Variants in GRM7 observed in about 807,000 individuals in gnomAD.
GRM7 encodes glutamate metabotropic receptor 7, also known as metabotropic glutamate receptor 7.
A neutral mutation model predicts 84.5 loss-of-function variants in GRM7; 35 were observed. The observed-to-expected ratio is 0.41, with a 90% confidence interval of 0.32 to 0.55. GRM7 has a LOEUF of 0.55. Among genes scored for constraint, GRM7 ranks in the 20% least tolerant of loss-of-function variants. GRM7 has a pLI of 0.19. For synonymous variants in GRM7, 487 were observed against 455.1 expected, an observed-to-expected ratio of 1.07 and a Z score of -0.89; for missense variants, 1,003 against 1,194.6, an observed-to-expected ratio of 0.84 and a Z score of 2.36.
intron 9 of GRM7, among the ~76,000 whole-genome samples, chr3:7,728,478 A>T (rs1324657184): frequency 1.3e-5 from 2 of 152,178 alleles, no homozygotes; most frequent in Non-Finnish European, 2.9e-5. Flanking sequence ...TACTTGACCT[A>T]TGAGGGCCCT....
At chr3:7,431,122 T>A (rs1014778847) in intron 5 of GRM7, among the ~76,000 whole-genome samples, 3 of 152,154 alleles carry the variant, frequency 2.0e-5, no homozygotes, top group Non-Finnish European at 4.4e-5. Flanking sequence ...TATGTCGGGC[T>A]AACTTGACAC....
intron 7 of GRM7, among the ~76,000 whole-genome samples, chr3:7,535,763 A>T (rs1317830577): frequency 2.6e-5 from 4 of 152,342 alleles, no homozygotes; most frequent in South Asian, 4.1e-4. Context: ...CTCAATAAAG[A>T]TACCGTGTAA....
Position 7,441,206 on chromosome 3 carries a change from T to C in GRM7, c.1175-11401T>C, listed in dbSNP as rs1370009247. On this transcript the variant is annotated intron_variant, in intron 5 of 9. Transcript: ENST00000357716. Reference sequence around the variant, plus strand: ...TGACTGGTGTGAGATGGTATCTAATTATGGTTTTGATTTACATTTCTCTAA... The same window carrying C: ...TGACTGGTGTGAGATGGTATCTAATCATGGTTTTGATTTACATTTCTCTAA... 3.3e-5 allele frequency among the ~76,000 whole-genome samples: 5 copies of C among 152,186 alleles called. No homozygotes were observed. The South Asian group carries it at 1.0e-3, about 31-fold the overall frequency.
Position 7,617,241 on chromosome 3 carries a change from GAAT to G in GRM7, c.2451+37886_2451+37888del, listed in dbSNP as rs1447057991. ...TAGGCATAAATAGGTTAACGGGACA[GAAT>G]ATATGGTATAGAAACAGACTCATGC... On this transcript the variant is annotated intron_variant, in intron 8 of 9. Coordinates refer to ENST00000357716, the MANE Select transcript of GRM7 (RefSeq NM_000844.4). 2.0e-5 allele frequency among the ~76,000 whole-genome samples: 3 copies of G among 152,106 alleles called. No individual in the cohort carries two copies. In the South Asian group the frequency reaches 6.2e-4, roughly 32 times the overall value.
At chr3:7,420,686 G>A (rs1696357151) in intron 5 of GRM7, among the ~76,000 whole-genome samples, 1 of 151,894 alleles carries the variant, frequency 6.6e-6, no homozygotes, top group Non-Finnish European at 1.5e-5. Flanking sequence ...CTCTATAAAT[G>A]GCTTGTTTCT....
In GRM7 at chr3:7,118,322, C is replaced by T. The variant is rs74755326; in HGVS notation, c.520-28130C>T. 1.4e-3 allele frequency among the ~76,000 whole-genome samples: 210 copies of T among 151,756 alleles called. 4 individuals are homozygous for T. In the East Asian group the frequency reaches 0.034, roughly 25 times the overall value. On this transcript the variant is annotated intron_variant, in intron 1 of 9. Coordinates refer to ENST00000357716, the MANE Select transcript of GRM7 (RefSeq NM_000844.4). ...AGGAAGATCCTTTTGCCTGGGAGGT[C>T]GAGTCTATAGTGAGCTGTGGTCATA...
chr3:7,541,889 C>T (rs1219839470), intron 7 of GRM7, among the ~76,000 whole-genome samples: 3 of 152,152 alleles, frequency 2.0e-5, no homozygotes, highest in Non-Finnish European at 4.4e-5. Flanking sequence ...AAATCAAGAG[C>T]ATTGCCATAC....
chr3:7,537,768 A>C (rs1692634724), intron 7 of GRM7, among the ~76,000 whole-genome samples: 2 of 152,212 alleles, frequency 1.3e-5, no homozygotes, highest in South Asian at 4.1e-4. Context: ...TGAGTGTTTT[A>C]GTGTAGATTA....
chr3:7,450,699 T>C lies in GRM7; in HGVS notation c.1175-1908T>C, dbSNP rs73810656. On this transcript the variant is annotated intron_variant, in intron 5 of 9. Transcript: ENST00000357716. ...TTGAATGGGAAATAGCTGCATAAAT[T>C]CATGATAAATTTTATCTTTAAAAAA... 2.2e-3 allele frequency among the ~76,000 whole-genome samples: 326 copies of C among 148,104 alleles called. 1 individual carries two copies. Among genetic ancestry groups the C allele is most frequent in the African/African-American group, 8.1e-3 (314 of 38,920 alleles).
rs71066011 is a variant in GRM7 at position 7,435,679 on chromosome 3, GTTTTTTTTTTTT to G, written c.1175-16913_1175-16902del. 2.4e-3 allele frequency among the ~76,000 whole-genome samples: 216 copies of G among 88,554 alleles called. 2 individuals are homozygous for G. Among genetic ancestry groups the G allele is most frequent in the African/African-American group, 7.5e-3 (155 of 20,626 alleles). 58.1% of individuals were successfully genotyped at this position (88,554 alleles called of 152,430 possible). ...AGGCCCTTGCCACCACATCCGGCTAGTTTTTTTTTTTTTTTTTTTTTTTTTTGAGACAGAGTC... is the reference window on the plus strand; with the variant it reads ...AGGCCCTTGCCACCACATCCGGCTAGTTTTTTTTTTTTTTGAGACAGAGTC... On this transcript the variant is annotated intron_variant, in intron 5 of 9. Coordinates refer to ENST00000357716, the MANE Select transcript of GRM7 (RefSeq NM_000844.4).
At chr3:7,317,619 T>C (rs1347592434) in intron 4 of GRM7, among the ~76,000 whole-genome samples, 2 of 152,010 alleles carry the variant, frequency 1.3e-5, no homozygotes, top group Non-Finnish European at 2.9e-5. Context: ...ACAGTGTTGG[T>C]TGTGACAAAA....
intron 8 of GRM7, among the ~76,000 whole-genome samples, chr3:7,671,256 A>G (rs186830753): frequency 4.7e-4 from 72 of 152,254 alleles, no homozygotes; most frequent in Middle Eastern, 3.4e-3. Context: ...GGCCACCAAG[A>G]CGGTCTGCAG....
intron 8 of GRM7, among the ~76,000 whole-genome samples, chr3:7,585,459 C>G (rs1695475255): frequency 6.6e-6 from 1 of 151,816 alleles, no homozygotes. Flanking sequence ...AGAATAGCTA[C>G]TTTAGCAGGT....
At chr3:6,961,140 C>G (rs919280286) in intron 1 of GRM7, among the ~76,000 whole-genome samples, 2 of 152,138 alleles carry the variant, frequency 1.3e-5, no homozygotes, top group Non-Finnish European at 2.9e-5. Context: ...GCCACTCATT[C>G]CTTTGGAAAT....
intron 1 of GRM7, among the ~76,000 whole-genome samples, chr3:6,971,188 T>A (rs980069607): frequency 3.3e-5 from 5 of 151,192 alleles, no homozygotes; most frequent in East Asian, 3.9e-4. Context: ...AAAAAAAAAT[T>A]AAAAATAACA....
At chr3:7,038,899 C>T (rs149761204) in intron 1 of GRM7, among the ~76,000 whole-genome samples, 3 of 151,904 alleles carry the variant, frequency 2.0e-5, no homozygotes, top group African/African-American at 4.8e-5. Context: ...ACCTTTATGC[C>T]GATAGGTTTC....
chr3:7,060,657 C>A (rs1471349298), intron 1 of GRM7, among the ~76,000 whole-genome samples: 1 of 151,706 alleles, frequency 6.6e-6, no homozygotes, highest in East Asian at 1.9e-4. Flanking sequence ...TTTAATATAG[C>A]TACCAACATT....
rs189236547 is a variant in GRM7 at position 7,420,431 on chromosome 3, C to T, written c.1174+5268C>T. Among the ~76,000 whole-genome samples, 864 of 152,208 alleles carry T rather than the reference C, an allele frequency of 5.7e-3. 7 individuals carry two copies. The highest frequency in any genetic ancestry group is 7.1e-3 in the Non-Finnish European group (482 of 67,996). On this transcript the variant is annotated intron_variant, in intron 5 of 9. Coordinates refer to ENST00000357716, the MANE Select transcript of GRM7 (RefSeq NM_000844.4). ...ATAAATAGTGTCTAACTCTTTGGTA[C>T]TCTAAGACTTTTTTTGAAACCGTTT...
At chr3:7,699,409 T>A (rs1701140923) in intron 9 of GRM7, among the ~76,000 whole-genome samples, 1 of 152,196 alleles carries the variant, frequency 6.6e-6, no homozygotes, top group Non-Finnish European at 1.5e-5. Flanking sequence ...AACCAGGGGA[T>A]ATGTATTTAG....
Sources: allele counts gnomAD v4.1 joint callset (sites outside exome capture counted in the v4.1 genomes callset), GRCh38; gene constraint gnomAD v4.1.1; transcripts MANE v1.5; gene names NCBI Gene and HGNC (gene_info 2026-07-23, HGNC 2026-07-21).